RBL2: variants seen among roughly 807,000 people sequenced by gnomAD.
The protein encoded by RBL2 is retinoblastoma-like protein 2.
A neutral mutation model predicts 126.0 loss-of-function variants in RBL2; 56 were observed. That is an observed-to-expected ratio of 0.44 (90% confidence interval 0.36 to 0.56). RBL2 has a LOEUF of 0.56. Ranked by LOEUF, RBL2 falls within the 20% of genes least tolerant of loss-of-function variation. The pLI is 0.00. For synonymous variants in RBL2, 454 were observed against 478.5 expected, an observed-to-expected ratio of 0.95 and a Z score of 0.67; for missense variants, 1,229 against 1,398.2, an observed-to-expected ratio of 0.88 and a Z score of 1.93.
At chr16:53,455,970 A>G (rs2058163202) in intron 8 of RBL2, among the ~76,000 whole-genome samples, 1 of 152,040 alleles carries the variant, frequency 6.6e-6, no homozygotes, top group Admixed American at 6.6e-5. Context: ...GGAGTTCAAG[A>G]CTAGTCTGGG....
chr16:53,456,970 A>T (rs2058173251), intron 8 of RBL2, among the ~76,000 whole-genome samples: 1 of 152,150 alleles, frequency 6.6e-6, no homozygotes. Context: ...TTGCATTAGA[A>T]TATAAGCTTC....
At chr16:53,443,049 A>C (rs2058030877) in intron 3 of RBL2, among the ~76,000 whole-genome samples, 191 bp downstream of exon 3, 1 of 151,522 alleles carries the variant, frequency 6.6e-6, no homozygotes, top group South Asian at 2.1e-4. Context: ...GGCTTTTTTC[A>C]TATTGCTAAA....
At chr16:53,460,442 A>G (rs1292334779) in intron 9 of RBL2, among the ~76,000 whole-genome samples, 1 of 152,100 alleles carries the variant, frequency 6.6e-6, no homozygotes, top group Non-Finnish European at 1.5e-5. Context: ...CTTGATTGTG[A>G]TTTATACTCA....
At chr16:53,487,728 G>T (rs1598138442) in intron 21 of RBL2, 1 of 152,136 alleles carries the variant, frequency 6.6e-6, no homozygotes, top group African/African-American at 2.4e-5. Context: ...ACTGTTAAGA[G>T]AATTAAAAAA....
rs1192553584 is a variant in RBL2 at position 53,467,176 on chromosome 16, T to G, written c.1975+7T>G. 1 of 1,593,240 alleles carries G rather than the reference T, an allele frequency of 6.3e-7. No homozygotes were observed. Among genetic ancestry groups the G allele is most frequent in the South Asian group, 1.1e-5 (1 of 90,280 alleles). ...ACTGGAGGACTTGGAAGGAGTAAGT[T>G]TAAAATACTAGGAGAATATTTTGGG... On this transcript the variant is annotated splice_region_variant and intron_variant, in intron 14 of 21. Coordinates refer to ENST00000262133, the MANE Select transcript of RBL2 (RefSeq NM_005611.4).
chr16:53,470,172 C>A lies in RBL2; in HGVS notation c.2232C>A (p.Thr744=), dbSNP rs1014090510. The change falls in exon 15 of 22, where the codon ACC becomes ACA. Residue 744 remains threonine, a synonymous_variant. Coordinates refer to ENST00000262133, the MANE Select transcript of RBL2 (RefSeq NM_005611.4). ...CAGCCAACAATGGGCAAACGGTAAC[C>A]ATTCCTGTGCAAGGTAAGGAAGGCA... ...TVTANNGQTV[T]IPVQGIANEN... 1.9e-6 allele frequency: 3 copies of A among 1,605,962 alleles called. No homozygotes were observed. Among genetic ancestry groups the A allele is most frequent in the South Asian group, 2.2e-5 (2 of 90,624 alleles).
At chr16:53,457,258 C>CGTTTTTTTTTTTTTTTTTTTTTT (rs1555566426) in intron 8 of RBL2, among the ~76,000 whole-genome samples, 1 of 89,954 alleles carries the variant, frequency 1.1e-5, no homozygotes, top group Non-Finnish European at 2.0e-5. Flanking sequence ...GTACAGATAG[C>CGTTTTTTTTTTTTTTTTTTTTTT]TTTTTTTTTT....
chr16:53,442,824 G>A lies in RBL2; in HGVS notation c.538G>A (p.Glu180Lys). 6.2e-7 allele frequency: 1 copy of A among 1,612,960 alleles called. No individual in the cohort carries two copies. The highest frequency in any genetic ancestry group is 8.5e-7 in the Non-Finnish European group (1 of 1,179,468). The change falls in exon 3 of 22, where the codon GAG (glutamate) becomes AAG (lysine). Residue 180 changes from glutamate (E) to lysine (K), a missense_variant. This residue lies in a region of RBL2 where 1,070 missense variants were observed against 1,274.3 expected (regional missense o/e 0.84). Coordinates refer to ENST00000262133, the MANE Select transcript of RBL2 (RefSeq NM_005611.4). ...FQDIFKYPQEEQPRQQRGRKQ... is the reference protein window; with the variant it reads ...FQDIFKYPQEKQPRQQRGRKQ... ...GGACATCTTTAAATACCCTCAAGAGGAGCAACCTCGTCAGCAGCGAGGAAG... is the reference window on the plus strand; with the variant it reads ...GGACATCTTTAAATACCCTCAAGAGAAGCAACCTCGTCAGCAGCGAGGAAG...
chr16:53,469,401 A>G (rs1193227768), intron 14 of RBL2, among the ~76,000 whole-genome samples: 5 of 150,830 alleles, frequency 3.3e-5, no homozygotes, highest in Admixed American at 2.0e-4. Context: ...ATAATTTTTT[A>G]TATGTGGAAA....
chr16:53,470,418 C>T lies in RBL2; in HGVS notation c.2281C>T (p.Pro761Ser), dbSNP rs2058311321. 1 of 1,614,074 alleles carries T rather than the reference C, an allele frequency of 6.2e-7. No homozygotes were observed. Among genetic ancestry groups the T allele is most frequent in the Non-Finnish European group, 8.5e-7 (1 of 1,179,978 alleles). ...TGAAAATGGAGGGATAACATTCTTC[C>T]CTGTCCAAGTCAATGTTGGGGGGCA... The part of the protein sequence containing the change: ...ANENGGITFF[P>S]VQVNVGGQAQ... The change falls in exon 16 of 22, where the codon CCT (proline) becomes TCT (serine). Residue 761 changes from proline (P) to serine (S), a missense_variant. Coordinates refer to ENST00000262133, the MANE Select transcript of RBL2 (RefSeq NM_005611.4).
chr16:53,467,209 A>G (rs762860812), intron 14 of RBL2, 40 bp downstream of exon 14: 42 of 1,500,972 alleles, frequency 2.8e-5, no homozygotes, highest in South Asian at 4.5e-5. Context: ...GGGGCTTACT[A>G]TCTGGAAATT....
At chr16:53,484,297 AATG>A (rs1457496590) in intron 21 of RBL2, among the ~76,000 whole-genome samples, 3 of 152,228 alleles carry the variant, frequency 2.0e-5, no homozygotes, top group African/African-American at 4.8e-5. Flanking sequence ...GATGAATTGG[AATG>A]ATAATACTCA....
At chr16:53,452,048 G>C (rs1248875703) in intron 5 of RBL2, among the ~76,000 whole-genome samples, 1 of 152,148 alleles carries the variant, frequency 6.6e-6, no homozygotes, top group African/African-American at 2.4e-5. Flanking sequence ...GACAACTTCA[G>C]AAGTTTCTGA....
At chr16:53,445,757 C>G (rs1411007541) in intron 3 of RBL2, 1 of 152,172 alleles carries the variant, frequency 6.6e-6, no homozygotes, top group Non-Finnish European at 1.5e-5. Context: ...TTTAAAACAC[C>G]AAACCCCACA....
intron 14 of RBL2, among the ~76,000 whole-genome samples, chr16:53,467,684 G>A (rs112693434): frequency 6.6e-6 from 1 of 152,158 alleles, no homozygotes; most frequent in Non-Finnish European, 1.5e-5. Context: ...CACCGTGCCC[G>A]GCTGACTGCT....
At chr16:53,488,302 G>A (rs996043053) in intron 21 of RBL2, 4 of 152,200 alleles carry the variant, frequency 2.6e-5, no homozygotes, top group African/African-American at 9.7e-5. Flanking sequence ...GGATTCAGTA[G>A]GCTACTTATG....
intron 3 of RBL2, chr16:53,443,440 CTATG>C (rs2058035058): frequency 6.6e-6 from 1 of 152,094 alleles, no homozygotes; most frequent in African/African-American, 2.4e-5. Flanking sequence ...AATGACTTCT[CTATG>C]TATTTTGATG....
intron 17 of RBL2, among the ~76,000 whole-genome samples, chr16:53,474,575 C>CA (rs1285916184): frequency 6.6e-6 from 1 of 152,194 alleles, no homozygotes; most frequent in African/African-American, 2.4e-5. Context: ...CTCGGCCTCC[C>CA]AAAGTGCTGG....
intron 8 of RBL2, among the ~76,000 whole-genome samples, chr16:53,457,606 A>G (rs1223443687): frequency 1.3e-5 from 2 of 152,130 alleles, no homozygotes; most frequent in Non-Finnish European, 2.9e-5. Context: ...ACTTAGAGGT[A>G]TGAATTGAGA....
Sources: allele counts gnomAD v4.1 joint callset (sites outside exome capture counted in the v4.1 genomes callset), GRCh38; gene constraint gnomAD v4.1.1; regional missense constraint gnomAD v4.1.1; transcripts MANE v1.5; gene names NCBI Gene and HGNC (gene_info 2026-07-23, HGNC 2026-07-21).